Variants in HK2 observed in about 807,000 individuals in gnomAD.
The protein encoded by HK2 is hexokinase 2.
Under a neutral mutation model 92.9 loss-of-function variants are expected in HK2, and 42 were observed. The ratio of observed to expected loss-of-function variants is 0.45; its 90% CI spans 0.35 to 0.58. The LOEUF (loss-of-function observed/expected upper bound fraction) is 0.58, where lower values mean the gene tolerates loss of function less well. Ranked by LOEUF, HK2 falls within the 20% of genes least tolerant of loss-of-function variation. The probability of loss-of-function intolerance (pLI) is 0.00; values close to 1 mark genes in which losing one functional copy is unlikely to be tolerated. For synonymous variants in HK2, 422 were observed against 468.0 expected, an observed-to-expected ratio of 0.90 and a Z score of 1.27; for missense variants, 978 against 1,245.1, an observed-to-expected ratio of 0.79 and a Z score of 3.23.
intron 2 of HK2, among the ~76,000 whole-genome samples, chr2:74,855,280 G>A (rs1029276559): frequency 2.0e-5 from 3 of 152,064 alleles, no homozygotes; most frequent in Admixed American, 6.6e-5. Context: ...CAGCTACCGC[G>A]CCCGCTGCCA....
chr2:74,881,870 C>A lies in HK2; in HGVS notation c.1719+11C>A. ...GGCACCGGGGACGAGGTGAGCAGGG[C>A]GGCGCCTTCAGGAGGGGGCCCCTGG... On this transcript the variant is annotated intron_variant, in intron 11 of 17. Coordinates refer to ENST00000290573, the MANE Select transcript of HK2 (RefSeq NM_000189.5). The A allele has an allele frequency of 6.2e-7, 1 of 1,613,702 alleles. No homozygotes were observed. The highest frequency in any genetic ancestry group is 8.5e-7 in the Non-Finnish European group (1 of 1,179,702).
chr2:74,838,224 TC>T, intron 1 of HK2, among the ~76,000 whole-genome samples: 1 of 152,290 alleles, frequency 6.6e-6, no homozygotes, highest in Middle Eastern at 3.4e-3. Flanking sequence ...TCGCTGCAGT[TC>T]CTGGCCACTG....
At chr2:74,836,367 G>A (rs78518988) in intron 1 of HK2, among the ~76,000 whole-genome samples, 1 of 152,200 alleles carries the variant, frequency 6.6e-6, no homozygotes, top group Admixed American at 6.5e-5. Context: ...CCCCCAGAGT[G>A]GAACGGGAAT....
chr2:74,885,164 C>T (rs908672212), intron 12 of HK2, among the ~76,000 whole-genome samples: 1 of 152,226 alleles, frequency 6.6e-6, no homozygotes, highest in African/African-American at 2.4e-5. Context: ...CTGCTTCTCT[C>T]TTCCAAGCTG....
chr2:74,886,420 A>T, intron 14 of HK2, 27 bp downstream of exon 14: 1 of 1,613,720 alleles, frequency 6.2e-7, no homozygotes, highest in Non-Finnish European at 8.5e-7. Context: ...TCCTTTCCAC[A>T]TGGGGATGCA....
chr2:74,841,619 A>T (rs1688317615), intron 1 of HK2, among the ~76,000 whole-genome samples: 1 of 152,142 alleles, frequency 6.6e-6, no homozygotes, highest in African/African-American at 2.4e-5. Context: ...CGAACTTAAG[A>T]TGAGGTCTAC....
In HK2 at chr2:74,870,758, C is replaced by A. The variant is rs113024874; in HGVS notation, c.376-1542C>A. Among the ~76,000 whole-genome samples, 286 of 152,286 alleles carry A rather than the reference C, an allele frequency of 1.9e-3. 1 individual carries two copies. The highest frequency in any genetic ancestry group is 6.6e-3 in the African/African-American group (276 of 41,558). ...CTTGAACTCTGTTCAAGGGAGTTGG[C>A]TCACCTGCACTGGTGATCCCCATGG... On this transcript the variant is annotated intron_variant, in intron 3 of 17. Coordinates refer to ENST00000290573, the MANE Select transcript of HK2 (RefSeq NM_000189.5).
At chr2:74,861,866 GA>G (rs1688837556) in intron 2 of HK2, among the ~76,000 whole-genome samples, 1 of 152,224 alleles carries the variant, frequency 6.6e-6, no homozygotes, top group Non-Finnish European at 1.5e-5. Flanking sequence ...GTCTTGGCAA[GA>G]TCGTTTGGTT....
intron 1 of HK2, among the ~76,000 whole-genome samples, chr2:74,840,276 A>G (rs1448192065): frequency 6.7e-6 from 1 of 150,160 alleles, no homozygotes; most frequent in Non-Finnish European, 1.5e-5. Flanking sequence ...TTTTTTTTTA[A>G]ACATCACTTT....
intron 1 of HK2, among the ~76,000 whole-genome samples, chr2:74,842,507 G>C (rs761498361): frequency 6.6e-6 from 1 of 152,174 alleles, no homozygotes; most frequent in Non-Finnish European, 1.5e-5. Flanking sequence ...ATGTCCCACT[G>C]CACCGTCCGC....
At chr2:74,867,304 A>T (rs113442139) in intron 2 of HK2, among the ~76,000 whole-genome samples, 71 of 152,196 alleles carry the variant, frequency 4.7e-4, no homozygotes, top group Non-Finnish European at 7.5e-4. Context: ...GTTCTCACTC[A>T]TAATTGGGAA....
intron 1 of HK2, among the ~76,000 whole-genome samples, chr2:74,846,978 T>C (rs534488385): frequency 2.2e-4 from 34 of 152,310 alleles, no homozygotes; most frequent in African/African-American, 7.0e-4. Context: ...GACAAGAACA[T>C]GCATGTTAAG....
chr2:74,853,588 G>A (rs1443348051), intron 1 of HK2, among the ~76,000 whole-genome samples: 5 of 151,512 alleles, frequency 3.3e-5, no homozygotes, highest in South Asian at 2.1e-4. Context: ...ATGGTGGCAC[G>A]TGCCTGAAAG....
intron 1 of HK2, among the ~76,000 whole-genome samples, chr2:74,844,870 G>A (rs1688401153): frequency 6.6e-6 from 1 of 152,228 alleles, no homozygotes; most frequent in South Asian, 2.1e-4. Flanking sequence ...CCTTCACCAA[G>A]TTACTTGTCA....
At chr2:74,863,684 TTG>T (rs1325255848) in intron 2 of HK2, among the ~76,000 whole-genome samples, 2 of 152,140 alleles carry the variant, frequency 1.3e-5, no homozygotes, top group African/African-American at 4.8e-5. Flanking sequence ...CAGTCCACTG[TTG>T]TGTGCTAGCA....
intron 2 of HK2, among the ~76,000 whole-genome samples, chr2:74,857,747 GGC>G (rs1478271199): frequency 1.3e-5 from 2 of 152,188 alleles, no homozygotes; most frequent in African/African-American, 4.8e-5. Context: ...TATGGAATAT[GGC>G]AGTGAAAATA....
chr2:74,882,353 A>C, intron 12 of HK2, 114 bp downstream of exon 12: 1 of 1,490,550 alleles, frequency 6.7e-7, no homozygotes. Flanking sequence ...GGAGGGCGTG[A>C]GTTACCAGTA....
intron 3 of HK2, 111 bp from the exon 4 acceptor site, chr2:74,872,189 A>G: frequency 9.7e-7 from 1 of 1,031,552 alleles, no homozygotes; most frequent in Non-Finnish European, 1.5e-6. Context: ...ATCAGAGGAG[A>G]TATGGGTTTT....
intron 1 of HK2, among the ~76,000 whole-genome samples, chr2:74,838,026 C>T (rs1301622749): frequency 6.6e-6 from 1 of 152,282 alleles, no homozygotes; most frequent in East Asian, 1.9e-4. Flanking sequence ...TTCCACTTAA[C>T]CCCTTCCAGC....
Sources: gnomAD v4.1 joint callset for allele counts (sites outside exome capture counted in the v4.1 genomes callset) on GRCh38, gnomAD v4.1.1 for gene constraint, MANE v1.5 for transcripts, NCBI Gene and HGNC (gene_info 2026-07-23, HGNC 2026-07-21) for gene names.